ADGRG7: variants seen among roughly 807,000 people sequenced by gnomAD.
The protein encoded by ADGRG7 is G-protein coupled receptor 128.
In ADGRG7, 82 loss-of-function variants were observed where a neutral mutation model predicts 88.6. The observed-to-expected ratio is 0.93, with a 90% CI of 0.77 to 1.11. ADGRG7 has a LOEUF of 1.11. Among genes scored for constraint, ADGRG7 ranks in the 50% most tolerant of loss-of-function variants. ADGRG7 has a pLI of 0.00. For missense variants in ADGRG7, 945 were observed against 953.4 expected (o/e 0.99, Z 0.12); for synonymous variants, 381 against 345.2 (o/e 1.10, Z -1.15).
chr3:100,677,840 T>C (rs1373320145), intron 15 of ADGRG7, among the ~76,000 whole-genome samples: 1 of 152,186 alleles, frequency 6.6e-6, no homozygotes, highest in Non-Finnish European at 1.5e-5. Flanking sequence ...CTCTTGCTGC[T>C]TTTAGGATCC....
chr3:100,627,282 A>C (rs1302953782), intron 1 of ADGRG7, among the ~76,000 whole-genome samples: 1 of 152,128 alleles, frequency 6.6e-6, no homozygotes, highest in Non-Finnish European at 1.5e-5. Context: ...AAAAAAAGTG[A>C]GATGCTTTTT....
intron 15 of ADGRG7, among the ~76,000 whole-genome samples, chr3:100,691,162 C>A (rs1237729078): frequency 6.6e-6 from 1 of 152,236 alleles, no homozygotes; most frequent in Non-Finnish European, 1.5e-5. Flanking sequence ...ACCCTCCGAC[C>A]CAGGTGCGAG....
At chr3:100,640,325 T>C (rs2149022675) in intron 6 of ADGRG7, among the ~76,000 whole-genome samples, 1 of 152,344 alleles carries the variant, frequency 6.6e-6, no homozygotes, top group East Asian at 1.9e-4. Context: ...TCCAGTTTTC[T>C]CTTGGTATCT....
intron 15 of ADGRG7, among the ~76,000 whole-genome samples, chr3:100,674,344 T>G (rs1263232124): frequency 2.0e-5 from 3 of 152,204 alleles, no homozygotes; most frequent in Non-Finnish European, 4.4e-5. Flanking sequence ...ATTGGTGTTT[T>G]GATAGAGATT....
intron 3 of ADGRG7, 131 bp from the exon 4 acceptor site, chr3:100,633,134 C>A: frequency 2.4e-6 from 1 of 416,706 alleles, no homozygotes; most frequent in East Asian, 4.0e-5. Flanking sequence ...TAAGTGGTAT[C>A]TGCCTAAAAA....
At chr3:100,619,631 A>G (rs570073976) in intron 1 of ADGRG7, among the ~76,000 whole-genome samples, 13 of 152,208 alleles carry the variant, frequency 8.5e-5, no homozygotes, top group Non-Finnish European at 1.6e-4. Flanking sequence ...TGGTTTTTTG[A>G]AAAGATCAAC....
At chr3:100,628,308 G>A (rs1441764964) in intron 1 of ADGRG7, among the ~76,000 whole-genome samples, 1 of 151,890 alleles carries the variant, frequency 6.6e-6, no homozygotes, top group East Asian at 1.9e-4. Flanking sequence ...TTATCTATGA[G>A]AGGGTTAATA....
chr3:100,690,208 G>A (rs183203929), intron 15 of ADGRG7, among the ~76,000 whole-genome samples: 102 of 152,224 alleles, frequency 6.7e-4, no homozygotes, highest in Admixed American at 2.0e-3. Flanking sequence ...TTCTCGTGCC[G>A]TGGTTTTCAG....
At chr3:100,630,947 T>C (rs1324481921) in intron 3 of ADGRG7, 138 bp downstream of exon 3, 1 of 400,818 alleles carries the variant, frequency 2.5e-6, no homozygotes, top group Non-Finnish European at 4.4e-6. Context: ...CCTTTCGTGA[T>C]GCTAATGTTC....
At position 100,655,099 on chromosome 3, in the gene ADGRG7, T is replaced by C; in HGVS notation, c.1644T>C (p.Ala548=). 6.2e-7 allele frequency: 1 copy of C among 1,614,246 alleles called. No homozygotes were observed. The highest frequency in any genetic ancestry group is 2.2e-5 in the East Asian group (1 of 44,890). ...CATTTACCTGGAACGCACTCAGCGCTGCACAGCTCTATTACCTTCTAATAA... is the reference window on the plus strand; with the variant it reads ...CATTTACCTGGAACGCACTCAGCGCCGCACAGCTCTATTACCTTCTAATAA... The part of the protein sequence containing the change: ...LVTFTWNALS[A]AQLYYLLIRT... Residue 548 remains alanine (A), a synonymous_variant, in exon 12 of 16, where the codon GCT becomes GCC. Coordinates refer to ENST00000273352, the MANE Select transcript of ADGRG7 (RefSeq NM_032787.3).
At chr3:100,647,961 T>G (rs1431442069) in intron 10 of ADGRG7, among the ~76,000 whole-genome samples, 1 of 152,192 alleles carries the variant, frequency 6.6e-6, no homozygotes, top group African/African-American at 2.4e-5. Flanking sequence ...TTGAGATAAC[T>G]GTAGTTTTCT....
At chr3:100,632,538 T>C (rs1472862212) in intron 3 of ADGRG7, among the ~76,000 whole-genome samples, 3 of 152,170 alleles carry the variant, frequency 2.0e-5, no homozygotes, top group Non-Finnish European at 4.4e-5. Context: ...CCCATAAATA[T>C]GTTAGAAATT....
intron 8 of ADGRG7, among the ~76,000 whole-genome samples, chr3:100,644,703 A>T (rs866725648): frequency 3.0e-4 from 46 of 151,456 alleles, no homozygotes; most frequent in East Asian, 1.9e-4. Context: ...AAAAAATTAA[A>T]TTTTTTTTGT....
At chr3:100,618,787 G>GA (rs36194849) in intron 1 of ADGRG7, among the ~76,000 whole-genome samples, 47,318 of 151,772 alleles carry the variant, frequency 0.31, 7,771 homozygotes, top group Non-Finnish European at 0.35. Context: ...TGATGGCATT[G>GA]ATCTATAAAT....
At chr3:100,651,073 G>T (rs1206321461) in intron 11 of ADGRG7, among the ~76,000 whole-genome samples, 1 of 152,090 alleles carries the variant, frequency 6.6e-6, no homozygotes, top group Admixed American at 6.5e-5. Context: ...AGCCAGAATT[G>T]TTTTCGATTC....
chr3:100,652,201 T>G (rs1251547391), intron 11 of ADGRG7, among the ~76,000 whole-genome samples: 3 of 152,122 alleles, frequency 2.0e-5, no homozygotes, highest in African/African-American at 7.2e-5. Context: ...TTTAATGAAA[T>G]TTTGAATTGT....
Position 100,646,743 on chromosome 3 carries a change from A to G in ADGRG7, c.1266+19A>G, listed in dbSNP as rs1475533144. ...ATTAATGGTAAGGATATACATAGCA[A>G]TCTCTTTCCAGATGAGAATTTTCCT... On this transcript the variant is annotated intron_variant, in intron 10 of 15. Transcript: ENST00000273352. 1 of 1,597,518 alleles carries G rather than the reference A, an allele frequency of 6.3e-7. No homozygotes were observed. Among genetic ancestry groups the G allele is most frequent in the Admixed American group, 1.7e-5 (1 of 58,914 alleles).
At chr3:100,630,110 T>C (rs1707439773) in intron 2 of ADGRG7, among the ~76,000 whole-genome samples, 1 of 152,192 alleles carries the variant, frequency 6.6e-6, no homozygotes, top group African/African-American at 2.4e-5. Context: ...TTCCTGAGTA[T>C]ATACTTATAT....
chr3:100,660,670 C>T (rs1401275509), intron 14 of ADGRG7, among the ~76,000 whole-genome samples: 7 of 150,534 alleles, frequency 4.7e-5, no homozygotes, highest in East Asian at 2.1e-4. Context: ...ATTAAATTTT[C>T]GGCAGGGCGC....
Sources: allele counts gnomAD v4.1 joint callset (sites outside exome capture counted in the v4.1 genomes callset), GRCh38; gene constraint gnomAD v4.1.1; transcripts MANE v1.5; gene names NCBI Gene and HGNC (gene_info 2026-07-23, HGNC 2026-07-21).